Variants in TENM2 observed in about 807,000 individuals in gnomAD.
TENM2 encodes the protein teneurin transmembrane protein 2.
A neutral mutation model predicts 245.2 loss-of-function variants in TENM2; 52 were observed. The ratio of observed to expected loss-of-function variants is 0.21; its 90% confidence interval spans 0.17 to 0.27. The LOEUF (loss-of-function observed/expected upper bound fraction) is 0.27, where lower values mean the gene tolerates loss of function less well. Ranked by LOEUF, TENM2 falls within the 10% of genes least tolerant of loss-of-function variation. The pLI is 1.00. For synonymous variants in TENM2, 1,363 were observed against 1,438.9 expected (o/e 0.95, Z 1.19); for missense variants, 3,046 against 3,666.8 (o/e 0.83, Z 4.37).
chr5:167,896,280 C>T (rs1583305042), intron 3 of TENM2, among the ~76,000 whole-genome samples: 3 of 152,276 alleles, frequency 2.0e-5, no homozygotes. Flanking sequence ...GACGAGAAAA[C>T]ATGGGGCCTT....
chr5:167,254,327 T>G, the TENM2 span, among the ~76,000 whole-genome samples: 1 of 152,124 alleles, frequency 6.6e-6, no homozygotes, highest in African/African-American at 2.4e-5. Context: ...AAGAAAGGCA[T>G]TTGTGTCAGA....
At chr5:167,675,116 T>C (rs1026571545) in intron 2 of TENM2, among the ~76,000 whole-genome samples, 4 of 152,108 alleles carry the variant, frequency 2.6e-5, no homozygotes, top group Non-Finnish European at 5.9e-5. Flanking sequence ...AAATATCAAG[T>C]AAGCCCAATG....
At chr5:167,936,636 T>G (rs574087325) in intron 3 of TENM2, among the ~76,000 whole-genome samples, 1 of 152,202 alleles carries the variant, frequency 6.6e-6, no homozygotes, top group Non-Finnish European at 1.5e-5. Context: ...TTAATTTTAT[T>G]GTGGTATTAT....
At chr5:168,082,542 G>T (rs367901846) in intron 7 of TENM2, among the ~76,000 whole-genome samples, 1 of 152,192 alleles carries the variant, frequency 6.6e-6, no homozygotes, top group Admixed American at 6.5e-5. Context: ...CAGCTTTTCT[G>T]TTCTGGTTTC....
chr5:167,685,230 G>C lies in TENM2; in HGVS notation c.503-190756G>C, dbSNP rs574976467. On this transcript the variant is annotated intron_variant, in intron 2 of 28. Coordinates refer to ENST00000518659, the Ensembl canonical transcript of TENM2. ...TTTAAGGGAGAAAATGAAATCATCTGTGAACATTAAAAGTTATCTCTTCCT... is the reference window on the plus strand; with the variant it reads ...TTTAAGGGAGAAAATGAAATCATCTCTGAACATTAAAAGTTATCTCTTCCT... Among the ~76,000 whole-genome samples the C allele has an allele frequency of 2.8e-4, 43 of 152,328 alleles. No homozygotes were observed. The South Asian group carries it at 7.9e-3, about 28-fold the overall frequency.
chr5:167,352,822 T>C (rs1007335765), intron 1 of TENM2, among the ~76,000 whole-genome samples: 2 of 152,224 alleles, frequency 1.3e-5, no homozygotes, highest in South Asian at 4.1e-4. Context: ...TAATAAGTTA[T>C]TTAATATAGG....
At chr5:168,191,736 T>G (rs1369712461) in intron 14 of TENM2, among the ~76,000 whole-genome samples, 1 of 152,184 alleles carries the variant, frequency 6.6e-6, no homozygotes, top group Non-Finnish European at 1.5e-5. Flanking sequence ...TAGACTTCCC[T>G]TCTTACAGAA....
chr5:167,445,369 A>AGAGAGAGAGAGAGAGTGAGAGAGTGAGT (rs35699708), intron 2 of TENM2, among the ~76,000 whole-genome samples: 1 of 98,578 alleles, frequency 1.0e-5, no homozygotes, highest in Non-Finnish European at 1.9e-5. Context: ...AGAGAGAGAG[A>AGAGAGAGAGAGAGAGTGAGAGAGTGAGT]GTGTCAGGTG....
chr5:168,228,424 A>C (rs1343560602), intron 25 of TENM2, among the ~76,000 whole-genome samples: 1 of 152,004 alleles, frequency 6.6e-6, no homozygotes, highest in African/African-American at 2.4e-5. Flanking sequence ...TGCTATGGGG[A>C]TTTACATTAC....
the TENM2 span, among the ~76,000 whole-genome samples, chr5:167,242,050 T>G: frequency 2.7e-5 from 4 of 150,358 alleles, no homozygotes; most frequent in Non-Finnish European, 4.4e-5. Context: ...TTTTTTGTTT[T>G]TTTTTTTTTT....
At chr5:167,551,329 C>T (rs1328712320) in intron 2 of TENM2, among the ~76,000 whole-genome samples, 1 of 152,106 alleles carries the variant, frequency 6.6e-6, no homozygotes, top group African/African-American at 2.4e-5. Flanking sequence ...CTCACTTTCC[C>T]ATGGAAAGAG....
chr5:167,366,371 A>G (rs1760055678), intron 1 of TENM2, among the ~76,000 whole-genome samples: 1 of 152,142 alleles, frequency 6.6e-6, no homozygotes, highest in African/African-American at 2.4e-5. Context: ...TATGTAAAGA[A>G]ATAAAGCAAG....
chr5:167,094,471 G>C, the TENM2 span, among the ~76,000 whole-genome samples: 5 of 152,084 alleles, frequency 3.3e-5, no homozygotes, highest in South Asian at 1.0e-3. Context: ...CCATGTTGTT[G>C]TGTGAATCAA....
chr5:168,040,753 T>A (rs995942039), intron 5 of TENM2, among the ~76,000 whole-genome samples: 3 of 152,166 alleles, frequency 2.0e-5, no homozygotes, highest in Admixed American at 6.5e-5. Context: ...TAATAATACA[T>A]TGCAGTGGGC....
chr5:167,659,444 A>T lies in TENM2; in HGVS notation c.503-216542A>T, dbSNP rs187256973. ...TTCATAAAATCATAAATCAATAAGG[A>T]ATAACTGAAAATGTGGTTGAATACA... is the stretch of plus-strand genomic sequence containing the variant. On this transcript the variant is annotated intron_variant, in intron 2 of 28. Transcript: ENST00000518659. Among the ~76,000 whole-genome samples the T allele has an allele frequency of 8.7e-4, 132 of 152,294 alleles. 1 individual carries two copies. Among genetic ancestry groups the T allele is most frequent in the East Asian group, 7.1e-3 (37 of 5,186 alleles).
intron 3 of TENM2, among the ~76,000 whole-genome samples, chr5:167,952,147 C>T (rs1199945909): frequency 6.6e-6 from 1 of 151,996 alleles, no homozygotes; most frequent in Non-Finnish European, 1.5e-5. Flanking sequence ...AGGTACTATT[C>T]CCTGACTTAG....
At chr5:167,490,490 C>T (rs568979170) in intron 2 of TENM2, among the ~76,000 whole-genome samples, 32 of 152,078 alleles carry the variant, frequency 2.1e-4, no homozygotes, top group Non-Finnish European at 3.7e-4. Context: ...TCATGAGATG[C>T]GCTTGTATAT....
chr5:167,387,233 G>C (rs1029299129), intron 2 of TENM2, among the ~76,000 whole-genome samples: 3 of 150,018 alleles, frequency 2.0e-5, no homozygotes, highest in African/African-American at 7.5e-5. Context: ...TCCTTGGTTA[G>C]GTATAATCCT....
intron 24 of TENM2, among the ~76,000 whole-genome samples, chr5:168,226,903 G>A (rs1420598860): frequency 2.6e-5 from 4 of 152,270 alleles, no homozygotes; most frequent in African/African-American, 4.8e-5. Context: ...GGGCTAGCCC[G>A]TTGTCAGAGG....
Sources: allele counts gnomAD v4.1 joint callset (sites outside exome capture counted in the v4.1 genomes callset), GRCh38; gene constraint gnomAD v4.1.1; transcripts MANE v1.5; gene names NCBI Gene and HGNC (gene_info 2026-07-23, HGNC 2026-07-21).